The following SEMA3A variants were observed in gnomAD, a reference collection of about 807,000 sequenced individuals.
SEMA3A encodes the protein semaphorin 3A, also known as semaphorin-3A.
SEMA3A carries 29 observed loss-of-function variants against 97.9 expected under a neutral mutation model. The ratio of observed to expected loss-of-function variants is 0.30; its 90% confidence interval spans 0.22 to 0.40. The LOEUF (loss-of-function observed/expected upper bound fraction) is 0.40. Among genes scored for constraint, SEMA3A ranks in the 10% least tolerant of loss-of-function variants. The pLI, the probability that SEMA3A is intolerant of heterozygous loss-of-function variation, is 1.00. For missense variants in SEMA3A, 763 were observed against 951.3 expected, an observed-to-expected ratio of 0.80 and a Z score of 2.60; for synonymous variants, 321 against 323.7, an observed-to-expected ratio of 0.99 and a Z score of 0.09.
rs201398906 is a variant in SEMA3A, at chr7:84,407,149, AC to A, written c.-245-35250del. Among the ~76,000 whole-genome samples the A allele has an allele frequency of 3.9e-5, 6 of 152,158 alleles. No individual in the cohort carries two copies. In the East Asian group the frequency reaches 9.6e-4, roughly 24 times the overall value. ...GATGACATGATTGTATATCTGGAAA[AC>A]CCCATCATCTCAGCCCAAAATCTCC... On this transcript the variant is annotated intron_variant, in intron 1 of 3. Transcript: ENST00000424555.
chr7:84,378,055 C>T (rs2116127858), intron 1 of SEMA3A, among the ~76,000 whole-genome samples: 1 of 152,140 alleles, frequency 6.6e-6, no homozygotes, highest in African/African-American at 2.4e-5. Flanking sequence ...AAGAGGGTTC[C>T]TCTCTTTAAA....
chr7:84,032,478 T>C (rs1245914595), intron 6 of SEMA3A, among the ~76,000 whole-genome samples: 2 of 152,180 alleles, frequency 1.3e-5, no homozygotes, highest in East Asian at 1.9e-4. Context: ...TTAACTGCAA[T>C]ATAATTAGCA....
At chr7:84,302,107 A>C (rs571900616) in intron 3 of SEMA3A, among the ~76,000 whole-genome samples, 64 of 152,286 alleles carry the variant, frequency 4.2e-4, no homozygotes, top group African/African-American at 1.3e-3. Flanking sequence ...TCAGTAATAA[A>C]AAAAATCAAC....
intron 3 of SEMA3A, among the ~76,000 whole-genome samples, chr7:84,273,101 A>C (rs907501169): frequency 2.0e-5 from 3 of 152,150 alleles, no homozygotes; most frequent in Non-Finnish European, 4.4e-5. Flanking sequence ...TTGCTGATAC[A>C]TTAATGTAAG....
intron 1 of SEMA3A, among the ~76,000 whole-genome samples, chr7:84,487,726 G>A (rs1342090924): frequency 6.6e-6 from 1 of 152,044 alleles, no homozygotes; most frequent in Non-Finnish European, 1.5e-5. Context: ...GGTATTTAGA[G>A]CTTTCAGATC....
At chr7:84,188,814 G>A (rs902514207) in intron 1 of SEMA3A, among the ~76,000 whole-genome samples, 1 of 151,768 alleles carries the variant, frequency 6.6e-6, no homozygotes, top group Non-Finnish European at 1.5e-5. Flanking sequence ...TAGTTTTTCA[G>A]GATCAAAATG....
intron 2 of SEMA3A, among the ~76,000 whole-genome samples, chr7:84,345,747 C>T (rs1317358937): frequency 1.3e-5 from 2 of 152,182 alleles, no homozygotes; most frequent in Non-Finnish European, 2.9e-5. Flanking sequence ...GTTATTTGTA[C>T]CACATATGCC....
chr7:83,975,945 C>T (rs758460366), intron 15 of SEMA3A, among the ~76,000 whole-genome samples: 36 of 152,058 alleles, frequency 2.4e-4, no homozygotes, highest in Non-Finnish European at 3.8e-4. Context: ...CAGGGACAGT[C>T]GTAACATTTA....
At chr7:84,004,346 A>G (rs879491289) in intron 11 of SEMA3A, among the ~76,000 whole-genome samples, 1 of 152,160 alleles carries the variant, frequency 6.6e-6, no homozygotes, top group Non-Finnish European at 1.5e-5. Flanking sequence ...CTAATTATGG[A>G]ATTAGTAAAA....
chr7:84,145,238 T>C (rs1055462626), intron 1 of SEMA3A, among the ~76,000 whole-genome samples: 9 of 152,142 alleles, frequency 5.9e-5, no homozygotes, highest in African/African-American at 1.9e-4. Context: ...TTATGAAGCA[T>C]AGTGCCCTGT....
At chr7:84,050,480 T>A (rs529504888) in intron 5 of SEMA3A, among the ~76,000 whole-genome samples, 3 of 152,150 alleles carry the variant, frequency 2.0e-5, no homozygotes, top group African/African-American at 7.2e-5. Context: ...CATTTTTTCA[T>A]GTGTTTTTTG....
intron 1 of SEMA3A, among the ~76,000 whole-genome samples, chr7:84,397,891 G>C (rs1562932242): frequency 6.6e-6 from 1 of 152,050 alleles, no homozygotes; most frequent in East Asian, 1.9e-4. Flanking sequence ...AGGCCATGGG[G>C]TTTTATGATA....
intron 1 of SEMA3A, among the ~76,000 whole-genome samples, chr7:84,174,155 A>C (rs1797487326): frequency 6.6e-6 from 1 of 152,128 alleles, no homozygotes; most frequent in Non-Finnish European, 1.5e-5. Flanking sequence ...GAGTTGAAAA[A>C]AAAAAGGTGC....
At chr7:84,436,694 T>TTTGTGTTA (rs1471549754) in intron 1 of SEMA3A, among the ~76,000 whole-genome samples, 4 of 152,110 alleles carry the variant, frequency 2.6e-5, no homozygotes, top group Non-Finnish European at 5.9e-5. Flanking sequence ...TAAATTTGTG[T>TTTGTGTTA]TTGTGTTATT....
chr7:84,389,777 A>G (rs987795786), intron 1 of SEMA3A, among the ~76,000 whole-genome samples: 7 of 152,122 alleles, frequency 4.6e-5, no homozygotes, highest in Non-Finnish European at 8.8e-5. Context: ...TACACCAACA[A>G]CAATTTTCTT....
At chr7:84,465,884 C>G (rs527584661) in intron 1 of SEMA3A, among the ~76,000 whole-genome samples, 295 of 152,222 alleles carry the variant, frequency 1.9e-3, no homozygotes, top group Non-Finnish European at 3.4e-3. Context: ...TCCTCTTCCC[C>G]AATACCTTTA....
intron 12 of SEMA3A, among the ~76,000 whole-genome samples, chr7:84,000,675 T>C (rs943195700): frequency 6.6e-6 from 1 of 152,142 alleles, no homozygotes; most frequent in Admixed American, 6.6e-5. Flanking sequence ...GCTATGACTG[T>C]AGAGTCTAAA....
chr7:84,045,094 G>T (rs1038631052), intron 6 of SEMA3A, among the ~76,000 whole-genome samples: 1 of 151,904 alleles, frequency 6.6e-6, no homozygotes, highest in Non-Finnish European at 1.5e-5. Flanking sequence ...CACAACTCAT[G>T]GTCTCCTGGA....
intron 2 of SEMA3A, among the ~76,000 whole-genome samples, chr7:84,333,545 A>C (rs1222764039): frequency 2.6e-5 from 4 of 152,154 alleles, no homozygotes; most frequent in Non-Finnish European, 5.9e-5. Context: ...ATTATTTCAA[A>C]ATTTCAAACT....
Sources: gnomAD v4.1 joint callset for allele counts (sites outside exome capture counted in the v4.1 genomes callset) on GRCh38, gnomAD v4.1.1 for gene constraint, MANE v1.5 for transcripts, NCBI Gene and HGNC (gene_info 2026-07-23, HGNC 2026-07-21) for gene names.